F5: variants seen among roughly 807,000 people sequenced by gnomAD.
F5 encodes the protein activated protein c cofactor.
A neutral mutation model predicts 216.4 loss-of-function variants in F5; 138 were observed. That is an observed-to-expected ratio of 0.64 (90% CI 0.56 to 0.73). The LOEUF (loss-of-function observed/expected upper bound fraction) is 0.73, where lower values mean the gene tolerates loss of function less well. Among genes scored for constraint, F5 ranks in the 30% least tolerant of loss-of-function variants. The pLI is 0.00. For missense variants in F5, 2,403 were observed against 2,674.0 expected, an observed-to-expected ratio of 0.90 and a Z score of 2.24; for synonymous variants, 916 against 930.7, an observed-to-expected ratio of 0.98 and a Z score of 0.29.
chr1:169,560,476 C>T (rs1237365312), intron 4 of F5, 78 bp downstream of exon 4: 28 of 1,423,876 alleles, frequency 2.0e-5, no homozygotes, highest in Non-Finnish European at 2.7e-5. Context: ...CCAAGATGCT[C>T]CCAAGCTTTG....
chr1:169,553,195 G>C (rs1449895933), intron 7 of F5, among the ~76,000 whole-genome samples: 2 of 152,134 alleles, frequency 1.3e-5, no homozygotes, highest in African/African-American at 4.8e-5. Context: ...GTGCTATTGG[G>C]CTATCTCTTC....
In F5 at chr1:169,512,005, C is replaced by T. The variant is rs1659036044; in HGVS notation, c.*2308G>A. Among the ~76,000 whole-genome samples, 1 of 151,990 alleles carries T rather than the reference C, an allele frequency of 6.6e-6. No homozygotes were observed. Among genetic ancestry groups the T allele is most frequent in the African/African-American group, 2.4e-5 (1 of 41,394 alleles). On this transcript the variant is annotated 3_prime_UTR_variant, in exon 25 of 25. Transcript: ENST00000367797. The stretch of plus-strand genomic sequence containing the variant: ...AATAACAGGGGTTTTAATATTTCTA[C>T]ACAGCATTAGATAATAGCCCAAACA...
chr1:169,523,319 T>G lies in F5; in HGVS notation c.5926A>C (p.Ile1976Leu). Residue 1976 changes from isoleucine (I) to leucine (L), a missense_variant, in exon 21 of 25, where the codon ATC (isoleucine) becomes CTC (leucine). Coordinates refer to ENST00000367797, the MANE Select transcript of F5 (RefSeq NM_000130.5). The part of the protein sequence containing the change: ...DMQKEVIITG[I>L]QTQGAKHYLK... ...TAGTGTTTGGCACCTTGGGTCTGGA[T>G]CCCTGTGATTATGACTTCCTTTTGC... 1 of 1,614,074 alleles carries G rather than the reference T, an allele frequency of 6.2e-7. No individual in the cohort carries two copies. Among genetic ancestry groups the G allele is most frequent in the Non-Finnish European group, 8.5e-7 (1 of 1,179,966 alleles).
At chr1:169,550,148 T>C (rs1660128669) in intron 9 of F5, 133 bp from the exon 10 acceptor site, 1 of 744,860 alleles carries the variant, frequency 1.3e-6, no homozygotes, top group Non-Finnish European at 2.2e-6. Flanking sequence ...TTTTAAATTA[T>C]ACTTTAAGTT....
At position 169,535,497 on chromosome 1, in the gene F5, G is replaced by A. The variant is rs140821564; in HGVS notation, c.4971+1009C>T. ...TTAGTGTACCTGTCACCTGAGTAGT[G>A]TACCCTGTACCCAATAGGTAGCTTT... is the stretch of plus-strand genomic sequence containing the variant. On this transcript the variant is annotated intron_variant, in intron 14 of 24. Coordinates refer to ENST00000367797, the MANE Select transcript of F5 (RefSeq NM_000130.5). 2.7e-3 allele frequency among the ~76,000 whole-genome samples: 404 copies of A among 152,224 alleles called. 1 individual carries two copies. Among genetic ancestry groups the A allele is most frequent in the South Asian group, 0.016 (79 of 4,820 alleles).
Position 169,549,939 on chromosome 1 carries a change from A to G in F5, c.1473T>C (p.Asp491=). The stretch of plus-strand genomic sequence containing the variant: ...ACTGGGCATCATTTTCTGTGGGTTC[A>G]TCAAACTCTAAGATGTTCCACTTAT... ...YTYKWNILEF[D]EPTENDAQCL... The change falls in exon 10 of 25, where the codon GAT becomes GAC. Residue 491 remains aspartate, a synonymous_variant. Transcript: ENST00000367797. 1.2e-6 allele frequency: 2 copies of G among 1,614,162 alleles called. No homozygotes were observed. The highest frequency in any genetic ancestry group is 1.3e-5 in the African/African-American group (1 of 75,046).
At chr1:169,577,559 AAATATATATATATATATATATATATATAT>A (rs1239586845) in intron 2 of F5, among the ~76,000 whole-genome samples, 5 of 60,780 alleles carry the variant, frequency 8.2e-5, no homozygotes, top group African/African-American at 3.3e-4. Context: ...TGGCTAATTT[AAATATATATATATATATATATATATATAT>A]ATATATATAT....
At chr1:169,568,827 A>G (rs1660665513) in intron 3 of F5, among the ~76,000 whole-genome samples, 1 of 152,152 alleles carries the variant, frequency 6.6e-6, no homozygotes, top group African/African-American at 2.4e-5. Flanking sequence ...GAAGTTACAT[A>G]AAGAGCCTTT....
chr1:169,537,934 TA>T (rs1423250675), intron 13 of F5, among the ~76,000 whole-genome samples: 11 of 151,960 alleles, frequency 7.2e-5, no homozygotes. Context: ...CTTTAAAAAT[TA>T]AAAATAGAAT....
intron 4 of F5, among the ~76,000 whole-genome samples, chr1:169,559,612 A>G (rs988663739): frequency 6.6e-6 from 1 of 152,150 alleles, no homozygotes; most frequent in African/African-American, 2.4e-5. Flanking sequence ...ATAGAAGAGT[A>G]TATAGATACG....
rs764056433 is a variant in F5, at chr1:169,555,171, C to G, written c.1118+11G>C. 2 of 1,613,884 alleles carry G rather than the reference C, an allele frequency of 1.2e-6. No homozygotes were observed. Among genetic ancestry groups the G allele is most frequent in the South Asian group, 2.2e-5 (2 of 91,074 alleles). On this transcript the variant is annotated intron_variant, in intron 7 of 24. Transcript: ENST00000367797. ...AACCTTTGCCCAGTGGTATGAACCC[C>G]AACAACTCACTTGTCCATATTCGCT...
chr1:169,581,014 G>A (rs1477396866), intron 2 of F5, among the ~76,000 whole-genome samples: 1 of 152,160 alleles, frequency 6.6e-6, no homozygotes, highest in Admixed American at 6.5e-5. Flanking sequence ...AATTCTGCTG[G>A]TATTGAGGGG....
At position 169,573,503 on chromosome 1, in the gene F5, C is replaced by T. The variant is rs192063103; in HGVS notation, c.251-1160G>A. 2.0e-3 allele frequency among the ~76,000 whole-genome samples: 303 copies of T among 152,212 alleles called. 1 individual carries two copies. Among genetic ancestry groups the T allele is most frequent in the African/African-American group, 7.1e-3 (296 of 41,524 alleles). On this transcript the variant is annotated intron_variant, in intron 2 of 24. Transcript: ENST00000367797. ...AGTCTGGACATTTTTGTAGGTAAGGCAAACAAGACTTGCTGATGGATTGCA... is the reference window on the plus strand; with the variant it reads ...AGTCTGGACATTTTTGTAGGTAAGGTAAACAAGACTTGCTGATGGATTGCA...
chr1:169,575,027 C>G (rs1000742106), intron 2 of F5, among the ~76,000 whole-genome samples: 1 of 152,094 alleles, frequency 6.6e-6, no homozygotes, highest in Non-Finnish European at 1.5e-5. Flanking sequence ...AGATTTTAAA[C>G]AAATGATCAC....
chr1:169,581,539 C>T (rs563319213), intron 2 of F5, among the ~76,000 whole-genome samples: 3 of 151,926 alleles, frequency 2.0e-5, no homozygotes, highest in African/African-American at 7.2e-5. Context: ...AGGAAGACTC[C>T]CATTGACTAA....
rs759261792 is a variant in F5 at position 169,542,328 on chromosome 1, A to G, written c.2762T>C (p.Met921Thr). 2.8e-5 allele frequency: 44 copies of G among 1,599,686 alleles called. No homozygotes were observed. Among genetic ancestry groups the G allele is most frequent in the Non-Finnish European group, 3.8e-5 (44 of 1,168,658 alleles). ...ACTAGGAGGGTCCTTCCAGGGCCTC[A>G]TTCTGGAAGGAGAACCAGTGTCTTG... ...PSQDTGSPSR[M>T]RPWKDPPSDL... The change falls in exon 13 of 25, where the codon ATG (methionine) becomes ACG (threonine). Residue 921 changes from methionine (M) to threonine (T), a missense_variant. Met to Thr is a moderately conservative substitution (Grantham distance 81, BLOSUM62 -1). Transcript: ENST00000367797.
At position 169,520,569 on chromosome 1, in the gene F5, G is replaced by A; in HGVS notation, c.6144C>T (p.Ala2048=). The change falls in exon 22 of 25, where the codon GCC becomes GCT. Residue 2048 remains alanine (A), a synonymous_variant. Coordinates refer to ENST00000367797, the MANE Select transcript of F5 (RefSeq NM_000130.5). The part of the protein sequence containing the change: ...ARYIRISPTR[A]YNRPTLRLEL... Reference sequence around the variant, plus strand: ...CCAATCGAAGGGTAGGTCTGTTATAGGCTCGAGTTGGAGAGATCCTAATAT... The same window carrying A: ...CCAATCGAAGGGTAGGTCTGTTATAAGCTCGAGTTGGAGAGATCCTAATAT... The A allele has an allele frequency of 6.2e-7, 1 of 1,613,990 alleles. No individual in the cohort carries two copies. Among genetic ancestry groups the A allele is most frequent in the Non-Finnish European group, 8.5e-7 (1 of 1,179,948 alleles).
chr1:169,577,654 G>A (rs1474099762), intron 2 of F5, among the ~76,000 whole-genome samples: 2 of 141,952 alleles, frequency 1.4e-5, no homozygotes, highest in African/African-American at 5.2e-5. Context: ...TGCCCAGGCT[G>A]GTCTAAAACT....
At chr1:169,529,468 T>A in intron 16 of F5, 140 bp downstream of exon 16, 1 of 765,244 alleles carries the variant, frequency 1.3e-6, no homozygotes, top group South Asian at 1.6e-5. Context: ...CCCTCTGGAA[T>A]GTTAAGGAAC....
Sources: allele counts gnomAD v4.1 joint callset (sites outside exome capture counted in the v4.1 genomes callset), GRCh38; gene constraint gnomAD v4.1.1; transcripts MANE v1.5; gene names NCBI Gene and HGNC (gene_info 2026-07-23, HGNC 2026-07-21).